DNAH12: variants seen among roughly 807,000 people sequenced by gnomAD.
DNAH12 encodes the protein dynein axonemal heavy chain 12.
DNAH12 carries 285 observed loss-of-function variants against 371.5 expected under a neutral mutation model. The ratio of observed to expected loss-of-function variants is 0.77; its 90% confidence interval spans 0.70 to 0.85. The LOEUF (loss-of-function observed/expected upper bound fraction) is 0.85. Among genes scored for constraint, DNAH12 ranks in the 40% least tolerant of loss-of-function variants. The probability of loss-of-function intolerance (pLI) is 0.00; values close to 1 mark genes in which losing one functional copy is unlikely to be tolerated. For missense variants in DNAH12, 3,611 were observed against 3,689.4 expected (o/e 0.98, Z 0.55); for synonymous variants, 1,200 against 1,213.0 (o/e 0.99, Z 0.22).
At chr3:57,418,307 A>G (rs1188140816) in intron 37 of DNAH12, among the ~76,000 whole-genome samples, 1 of 131,504 alleles carries the variant, frequency 7.6e-6, no homozygotes, top group Admixed American at 9.4e-5. Flanking sequence ...TGAGAGGCTG[A>G]GGTGGGTGGA....
intron 11 of DNAH12, among the ~76,000 whole-genome samples, chr3:57,495,578 C>A (rs1264957582): frequency 1.3e-5 from 1 of 77,694 alleles, no homozygotes; most frequent in African/African-American, 4.5e-5. Context: ...GAGTGAGACT[C>A]CATCTCAAAA....
At chr3:57,342,789 T>C (rs574120459) in intron 60 of DNAH12, among the ~76,000 whole-genome samples, 1 of 150,876 alleles carries the variant, frequency 6.6e-6, no homozygotes, top group Non-Finnish European at 1.5e-5. Flanking sequence ...AATGGGCAAA[T>C]GAGGCTAGCA....
intron 59 of DNAH12, among the ~76,000 whole-genome samples, chr3:57,355,704 T>C (rs1366284775): frequency 6.6e-6 from 1 of 152,200 alleles, no homozygotes; most frequent in East Asian, 1.9e-4. Context: ...CATTTTTATG[T>C]CAATTCTTTA....
intron 43 of DNAH12, among the ~76,000 whole-genome samples, chr3:57,402,091 A>C (rs182884509): frequency 6.6e-6 from 1 of 152,216 alleles, no homozygotes; most frequent in Non-Finnish European, 1.5e-5. Context: ...TAGACAATGC[A>C]TCAAAAGTTT....
intron 4 of DNAH12, among the ~76,000 whole-genome samples, chr3:57,521,063 CAAAAAAAAAAAAAAAAAAAAAAAA>C (rs61570396): frequency 1.7e-4 from 9 of 54,440 alleles, no homozygotes; most frequent in African/African-American, 4.2e-4. Flanking sequence ...GACTCTGTCT[CAAAAAAAAAAAAAAAAAAAAAAAA>C]AAAAAAAAAA....
intron 12 of DNAH12, 23 bp from the exon 13 acceptor site, chr3:57,483,534 T>A (rs1456906260): frequency 5.9e-6 from 9 of 1,536,176 alleles, no homozygotes; most frequent in Non-Finnish European, 7.0e-6. Context: ...TCTGCTTTAA[T>A]AGACTTATGG....
intron 29 of DNAH12, 35 bp from the exon 30 acceptor site, chr3:57,437,095 CAAT>C (rs1201449894): frequency 9.8e-6 from 13 of 1,328,886 alleles, no homozygotes; most frequent in Middle Eastern, 1.8e-4. Context: ...TTCTACAACA[CAAT>C]ATTATAAATG....
At chr3:57,376,037 G>C (rs2153339263) in intron 53 of DNAH12, 72 bp from the exon 54 acceptor site, 1 of 152,056 alleles carries the variant, frequency 6.6e-6, no homozygotes, top group East Asian at 1.9e-4. Flanking sequence ...AAAGGGCAAG[G>C]GTTTCCAGTC....
At chr3:57,300,729 T>A (rs530619945) in intron 70 of DNAH12, among the ~76,000 whole-genome samples, 249 of 152,206 alleles carry the variant, frequency 1.6e-3, no homozygotes, top group African/African-American at 5.9e-3. Flanking sequence ...GCTTATACAG[T>A]GAAAGAAAGC....
At chr3:57,322,550 C>T (rs1213860315) in intron 64 of DNAH12, 67 bp from the exon 65 acceptor site, 18 of 1,454,110 alleles carry the variant, frequency 1.2e-5, no homozygotes, top group African/African-American at 5.7e-5. Context: ...TGCATATACA[C>T]GTGGATTAAA....
At chr3:57,513,408 A>G (rs1166551280) in intron 4 of DNAH12, among the ~76,000 whole-genome samples, 2 of 152,186 alleles carry the variant, frequency 1.3e-5, no homozygotes, top group Admixed American at 6.5e-5. Flanking sequence ...GAGTGGGTCA[A>G]TAGGTGCAGC....
At chr3:57,351,591 C>T (rs1553660284) in intron 60 of DNAH12, among the ~76,000 whole-genome samples, 1 of 152,108 alleles carries the variant, frequency 6.6e-6, no homozygotes, top group East Asian at 1.9e-4. Context: ...AACAAATGAA[C>T]TAGCCTCATG....
At chr3:57,463,923 C>T (rs982464462) in intron 17 of DNAH12, among the ~76,000 whole-genome samples, 7 of 151,806 alleles carry the variant, frequency 4.6e-5, no homozygotes, top group Non-Finnish European at 1.0e-4. Flanking sequence ...TCCTGAGTAG[C>T]CTCATGAGTA....
At chr3:57,436,762 C>T (rs1559657135) in intron 30 of DNAH12, among the ~76,000 whole-genome samples, 189 bp downstream of exon 30, 1 of 152,140 alleles carries the variant, frequency 6.6e-6, no homozygotes, top group Non-Finnish European at 1.5e-5. Flanking sequence ...GCACTTCTTA[C>T]CAACCCTTGT....
intron 60 of DNAH12, among the ~76,000 whole-genome samples, chr3:57,351,723 CA>C (rs2062679595): frequency 6.6e-6 from 1 of 151,990 alleles, no homozygotes; most frequent in Admixed American, 6.6e-5. Flanking sequence ...AGCTAATCTG[CA>C]GTGTTATAAA....
intron 46 of DNAH12, among the ~76,000 whole-genome samples, chr3:57,386,816 C>T (rs2063507763): frequency 6.6e-6 from 1 of 152,104 alleles, no homozygotes; most frequent in Non-Finnish European, 1.5e-5. Flanking sequence ...TCAAAAGGCA[C>T]AAATCAAGTG....
chr3:57,497,256 T>C (rs533016753), intron 11 of DNAH12, among the ~76,000 whole-genome samples: 2 of 152,302 alleles, frequency 1.3e-5, no homozygotes, highest in South Asian at 2.1e-4. Context: ...AAAATGTATA[T>C]GGAAATGCAA....
intron 55 of DNAH12, among the ~76,000 whole-genome samples, chr3:57,369,305 A>T (rs2063121135): frequency 7.2e-6 from 1 of 139,378 alleles, no homozygotes; most frequent in East Asian, 2.0e-4. Context: ...TTTTAATTAT[A>T]TATTATAAAT....
intron 58 of DNAH12, among the ~76,000 whole-genome samples, chr3:57,360,675 G>A (rs950573590): frequency 0.055 from 6,512 of 118,788 alleles, 462 homozygotes; most frequent in African/African-American, 0.2. Context: ...CAACAAGAGC[G>A]AAACTCTGTA....
Sources: allele counts gnomAD v4.1 joint callset (sites outside exome capture counted in the v4.1 genomes callset), GRCh38; gene constraint gnomAD v4.1.1; transcripts MANE v1.5; gene names NCBI Gene and HGNC (gene_info 2026-07-23, HGNC 2026-07-21).